ZNRF3: variants seen among roughly 807,000 people sequenced by gnomAD.
ZNRF3 encodes zinc and ring finger 3, also known as E3 ubiquitin-protein ligase ZNRF3.
ZNRF3 carries 23 observed loss-of-function variants against 72.5 expected under a neutral mutation model. The ratio of observed to expected loss-of-function variants is 0.32; its 90% CI spans 0.23 to 0.45. The LOEUF (loss-of-function observed/expected upper bound fraction) is 0.45, where lower values mean the gene tolerates loss of function less well. ZNRF3 is among the 20% of genes least tolerant of loss of function. ZNRF3 has a pLI of 1.00. For synonymous variants in ZNRF3, 610 were observed against 545.3 expected, an observed-to-expected ratio of 1.12 and a Z score of -1.65; for missense variants, 1,169 against 1,272.1, an observed-to-expected ratio of 0.92 and a Z score of 1.23.
intron 1 of ZNRF3, among the ~76,000 whole-genome samples, chr22:28,984,191 CA>C (rs1452691184): frequency 6.6e-6 from 1 of 151,792 alleles, no homozygotes; most frequent in African/African-American, 2.4e-5. Flanking sequence ...CATTTTAAAG[CA>C]TGAAATTAAG....
At chr22:28,905,092 C>T (rs551726278) in intron 1 of ZNRF3, among the ~76,000 whole-genome samples, 3 of 152,050 alleles carry the variant, frequency 2.0e-5, no homozygotes, top group South Asian at 2.1e-4. Flanking sequence ...CCTGATACCA[C>T]TCCCAGCTAA....
chr22:28,934,545 C>T (rs1161299523), intron 1 of ZNRF3, among the ~76,000 whole-genome samples: 4 of 152,138 alleles, frequency 2.6e-5, no homozygotes, highest in South Asian at 4.1e-4. Flanking sequence ...AGGTTGGGCG[C>T]GGTGGCTCAT....
At chr22:29,003,830 CA>C (rs201083162) in intron 2 of ZNRF3, among the ~76,000 whole-genome samples, 1 of 150,764 alleles carries the variant, frequency 6.6e-6, no homozygotes, top group African/African-American at 2.4e-5. Context: ...GACCCTGTCT[CA>C]AAAAAAAAGA....
chr22:29,041,239 C>G (rs577114405), intron 2 of ZNRF3, among the ~76,000 whole-genome samples: 32 of 152,304 alleles, frequency 2.1e-4, no homozygotes, highest in Non-Finnish European at 2.8e-4. Flanking sequence ...ACCTCTTGGG[C>G]TCAATCAAAC....
At chr22:28,951,296 T>G (rs1478018887) in intron 1 of ZNRF3, among the ~76,000 whole-genome samples, 2 of 152,118 alleles carry the variant, frequency 1.3e-5, no homozygotes, top group Non-Finnish European at 2.9e-5. Context: ...TTTTGGAGAT[T>G]GAGTCTTTAC....
Position 29,049,641 on chromosome 22 carries a change from C to T in ZNRF3, c.1460C>T (p.Pro487Leu), listed in dbSNP as rs1333640319. 6.2e-7 allele frequency: 1 copy of T among 1,610,466 alleles called. No individual in the cohort carries two copies. The highest frequency in any genetic ancestry group is 1.3e-5 in the African/African-American group (1 of 74,918). The part of the protein sequence containing the change: ...LSYPEQEGQS[P>L]PSLAPRGPAR... ...TACCCGGAGCAGGAGGGGCAGTCCCCACCTAGCCTCGCACCCCGGGGCCCG... is the reference window on the plus strand; with the variant it reads ...TACCCGGAGCAGGAGGGGCAGTCCCTACCTAGCCTCGCACCCCGGGGCCCG... The change falls in exon 8 of 9, where the codon CCA (proline) becomes CTA (leucine). Residue 487 changes from proline (P) to leucine (L), a missense_variant. This residue lies in a region of ZNRF3 where 783 missense variants were observed against 731.4 expected (regional missense o/e 1.07). Transcript: ENST00000544604. The surrounding 1 kb of genome is among the most constrained non-coding windows in gnomAD (Gnocchi z 5.2).
chr22:28,964,363 C>T (rs1439965625), intron 1 of ZNRF3, among the ~76,000 whole-genome samples: 1 of 152,268 alleles, frequency 6.6e-6, no homozygotes, highest in Admixed American at 6.5e-5. Flanking sequence ...AGCTCACCAG[C>T]CTTGATATAG....
intron 1 of ZNRF3, among the ~76,000 whole-genome samples, chr22:28,908,566 A>G (rs1235746991): frequency 2.0e-5 from 3 of 152,118 alleles, no homozygotes; most frequent in Non-Finnish European, 4.4e-5. Flanking sequence ...ATCCTTGTGG[A>G]GCATCATTTG....
chr22:29,020,963 A>AT (rs1421182793), intron 2 of ZNRF3, among the ~76,000 whole-genome samples: 1 of 151,850 alleles, frequency 6.6e-6, no homozygotes, highest in African/African-American at 2.4e-5. Context: ...CGCCTGGCTG[A>AT]TTTTTTGTAT....
intron 1 of ZNRF3, among the ~76,000 whole-genome samples, chr22:28,928,827 A>C (rs2034652775): frequency 6.6e-6 from 1 of 152,186 alleles, no homozygotes; most frequent in African/African-American, 2.4e-5. Context: ...GCTTTAAAAA[A>C]TCCAGGACCC....
At chr22:28,914,199 A>C (rs974141265) in intron 1 of ZNRF3, among the ~76,000 whole-genome samples, 11 of 152,108 alleles carry the variant, frequency 7.2e-5, no homozygotes, top group African/African-American at 2.2e-4. Flanking sequence ...CTGGATTTCG[A>C]GGTGGCCACC....
chr22:28,938,763 CAA>C (rs1242365799), intron 1 of ZNRF3, among the ~76,000 whole-genome samples: 1 of 152,088 alleles, frequency 6.6e-6, no homozygotes, highest in Non-Finnish European at 1.5e-5. Context: ...ATATATAAAA[CAA>C]ATGATTATGT....
intron 2 of ZNRF3, among the ~76,000 whole-genome samples, chr22:29,032,232 A>G (rs2036776000): frequency 6.6e-6 from 1 of 152,214 alleles, no homozygotes; most frequent in Non-Finnish European, 1.5e-5. Context: ...TCTTGTGGAC[A>G]TGGCCAAGGG....
At chr22:28,973,759 T>TA (rs570538251) in intron 1 of ZNRF3, among the ~76,000 whole-genome samples, 23 of 151,970 alleles carry the variant, frequency 1.5e-4, no homozygotes, top group African/African-American at 2.9e-4. Flanking sequence ...GAAAGAAATT[T>TA]AAAAAAAAGA....
At chr22:28,988,504 C>T (rs2035895883) in intron 2 of ZNRF3, among the ~76,000 whole-genome samples, 1 of 152,150 alleles carries the variant, frequency 6.6e-6, no homozygotes, top group South Asian at 2.1e-4. Context: ...GTCAAGTTCT[C>T]CTGCCCTTTA....
chr22:28,888,377 A>G (rs1228150013), intron 1 of ZNRF3, among the ~76,000 whole-genome samples: 1 of 152,216 alleles, frequency 6.6e-6, no homozygotes, highest in Non-Finnish European at 1.5e-5. Flanking sequence ...ACTTGGTCTA[A>G]TAGAACAATT....
rs1288033998 is a variant in ZNRF3, at chr22:29,049,735, C to T, written c.1554C>T (p.Pro518=). ...CCACCGTGGTGCACGTGGCCCCGCCCTCCCACCTGGAGAGCGGCAGCACGT... is the reference window on the plus strand; with the variant it reads ...CCACCGTGGTGCACGTGGCCCCGCCTTCCCACCTGGAGAGCGGCAGCACGT... The part of the protein sequence containing the change: ...LFPTVVHVAP[P]SHLESGSTSS... Residue 518 remains proline (P), a synonymous_variant, in exon 8 of 9, where the codon CCC becomes CCT. Transcript: ENST00000544604. The surrounding 1 kb of genome is among the most constrained non-coding windows in gnomAD (Gnocchi z 5.2). The T allele has an allele frequency of 6.3e-7, 1 of 1,597,924 alleles. No homozygotes were observed. The highest frequency in any genetic ancestry group is 1.7e-5 in the Admixed American group (1 of 59,314).
intron 2 of ZNRF3, among the ~76,000 whole-genome samples, chr22:29,009,741 G>A (rs2036316908): frequency 6.6e-6 from 1 of 152,022 alleles, no homozygotes; most frequent in African/African-American, 2.4e-5. Context: ...CACTTCTGTG[G>A]TCCTAATTCT....
At chr22:28,988,404 G>C (rs2035893958) in intron 2 of ZNRF3, among the ~76,000 whole-genome samples, 2 of 152,144 alleles carry the variant, frequency 1.3e-5, no homozygotes, top group African/African-American at 4.8e-5. Context: ...AGTGTCTCCT[G>C]AAAGACCTTT....
Sources: gnomAD v4.1 joint callset for allele counts (sites outside exome capture counted in the v4.1 genomes callset) on GRCh38, gnomAD v4.1.1 for gene constraint, gnomAD v4.1.1 regional missense constraint, Gnocchi (gnomAD v3.1) non-coding constraint, MANE v1.5 for transcripts, NCBI Gene and HGNC (gene_info 2026-07-23, HGNC 2026-07-21) for gene names.